CSMD3: variants seen among roughly 807,000 people sequenced by gnomAD.
CSMD3 encodes CUB and sushi domain-containing protein 3.
A neutral mutation model predicts 435.2 loss-of-function variants in CSMD3; 177 were observed. The ratio of observed to expected loss-of-function variants is 0.41; its 90% confidence interval spans 0.36 to 0.46. CSMD3 has a LOEUF of 0.46. Ranked by LOEUF, CSMD3 falls within the 20% of genes least tolerant of loss-of-function variation. The probability of loss-of-function intolerance (pLI) is 0.34; values close to 1 mark genes in which losing one functional copy is unlikely to be tolerated. For synonymous variants in CSMD3, 1,656 were observed against 1,520.5 expected (o/e 1.09, Z -2.07); for missense variants, 4,265 against 4,504.6 (o/e 0.95, Z 1.52).
At chr8:112,331,816 T>A (rs1418243359) in intron 45 of CSMD3, among the ~76,000 whole-genome samples, 1 of 152,042 alleles carries the variant, frequency 6.6e-6, no homozygotes, top group Non-Finnish European at 1.5e-5. Flanking sequence ...TCAGCCAGCT[T>A]AAAATAAGTG....
intron 32 of CSMD3, among the ~76,000 whole-genome samples, chr8:112,466,244 G>A (rs778168497): frequency 1.5e-4 from 23 of 151,772 alleles, no homozygotes; most frequent in Non-Finnish European, 3.2e-4. Flanking sequence ...TTCATACTGG[G>A]GAAAATAAAA....
At chr8:112,650,513 C>T (rs1164562949) in intron 18 of CSMD3, among the ~76,000 whole-genome samples, 164 bp from the exon 19 acceptor site, 1 of 152,142 alleles carries the variant, frequency 6.6e-6, no homozygotes, top group Non-Finnish European at 1.5e-5. Flanking sequence ...TTTGTTTTCT[C>T]ATTTCCTACC....
intron 22 of CSMD3, among the ~76,000 whole-genome samples, chr8:112,609,447 A>G (rs1051560120): frequency 1.3e-5 from 2 of 152,078 alleles, no homozygotes; most frequent in African/African-American, 4.8e-5. Flanking sequence ...AGAAATGCAA[A>G]TCAAAACCAC....
intron 3 of CSMD3, among the ~76,000 whole-genome samples, chr8:113,226,090 A>G (rs1350307246): frequency 1.3e-5 from 2 of 151,428 alleles, no homozygotes; most frequent in Non-Finnish European, 3.0e-5. Flanking sequence ...AGTTCTCCCC[A>G]GGCCTGTGAA....
intron 1 of CSMD3, among the ~76,000 whole-genome samples, chr8:113,433,611 C>T (rs767561809): frequency 6.6e-6 from 1 of 152,196 alleles, no homozygotes; most frequent in Non-Finnish European, 1.5e-5. Context: ...GACGCTCTGG[C>T]GTGGGGTGCG....
chr8:113,060,400 G>A (rs952802584), intron 5 of CSMD3, among the ~76,000 whole-genome samples: 2 of 150,744 alleles, frequency 1.3e-5, no homozygotes, highest in African/African-American at 2.4e-5. Flanking sequence ...ATCATTGTTG[G>A]ACATCTGGGT....
chr8:113,423,610 C>A (rs2094620115), intron 1 of CSMD3, among the ~76,000 whole-genome samples: 1 of 151,708 alleles, frequency 6.6e-6, no homozygotes, highest in East Asian at 1.9e-4. Context: ...TTTGTTATGT[C>A]AAATACATAA....
At chr8:112,934,563 T>C (rs943057407) in intron 9 of CSMD3, among the ~76,000 whole-genome samples, 1 of 152,158 alleles carries the variant, frequency 6.6e-6, no homozygotes, top group Middle Eastern at 3.2e-3. Context: ...GCAAATATCA[T>C]ACCATTTTGC....
chr8:112,268,724 A>G (rs1257379325), intron 59 of CSMD3, among the ~76,000 whole-genome samples: 1 of 152,210 alleles, frequency 6.6e-6, no homozygotes, highest in African/African-American at 2.4e-5. Flanking sequence ...GCATCATTAC[A>G]TATGTATGTG....
chr8:112,444,816 CAT>C (rs914655968), intron 32 of CSMD3, among the ~76,000 whole-genome samples: 4 of 152,210 alleles, frequency 2.6e-5, no homozygotes, highest in African/African-American at 9.6e-5. Context: ...ACACACTTGT[CAT>C]AAGTCACTGA....
At chr8:113,356,715 C>T (rs1048698542) in intron 1 of CSMD3, among the ~76,000 whole-genome samples, 2 of 152,140 alleles carry the variant, frequency 1.3e-5, no homozygotes, top group South Asian at 2.1e-4. Context: ...TTTATTCTAT[C>T]AAATATATGG....
intron 13 of CSMD3, among the ~76,000 whole-genome samples, chr8:112,786,901 G>A (rs1039142949): frequency 2.0e-5 from 3 of 151,924 alleles, no homozygotes; most frequent in South Asian, 2.1e-4. Context: ...CTCACCTCCC[G>A]ACAGGCCCTG....
intron 38 of CSMD3, among the ~76,000 whole-genome samples, chr8:112,357,542 G>A (rs556351161): frequency 6.6e-6 from 1 of 152,296 alleles, no homozygotes; most frequent in South Asian, 2.1e-4. Context: ...ATGTTTCCAG[G>A]GCATGTCAGA....
intron 4 of CSMD3, among the ~76,000 whole-genome samples, chr8:113,150,894 T>C (rs2091790189): frequency 6.6e-6 from 1 of 151,970 alleles, no homozygotes; most frequent in Admixed American, 6.6e-5. Flanking sequence ...TGACATTAGC[T>C]TCTTGGATGA....
At chr8:113,215,801 C>T (rs1006935884) in intron 3 of CSMD3, among the ~76,000 whole-genome samples, 5 of 151,612 alleles carry the variant, frequency 3.3e-5, no homozygotes, top group Non-Finnish European at 7.4e-5. Context: ...TTCAAATGTT[C>T]TCATTCATCT....
intron 50 of CSMD3, among the ~76,000 whole-genome samples, chr8:112,309,567 A>G (rs1225178352): frequency 1.3e-5 from 2 of 152,034 alleles, no homozygotes; most frequent in African/African-American, 2.4e-5. Context: ...CCTGCTATTC[A>G]TTGGTCGAAG....
intron 32 of CSMD3, among the ~76,000 whole-genome samples, chr8:112,430,613 A>G (rs1374606744): frequency 1.3e-5 from 2 of 152,048 alleles, no homozygotes; most frequent in Non-Finnish European, 2.9e-5. Context: ...AATTCATAAA[A>G]GAACACTTAT....
At chr8:112,903,151 C>CAAAAAAAAAAAAAAAAA (rs763330055) in intron 10 of CSMD3, among the ~76,000 whole-genome samples, 4 of 53,780 alleles carry the variant, frequency 7.4e-5, no homozygotes, top group African/African-American at 7.1e-5. Flanking sequence ...GCAGTCTTGG[C>CAAAAAAAAAAAAAAAAA]AAAAAAAAAA....
At chr8:112,729,258 G>A (rs1038714586) in intron 13 of CSMD3, among the ~76,000 whole-genome samples, 1 of 152,002 alleles carries the variant, frequency 6.6e-6, no homozygotes, top group Non-Finnish European at 1.5e-5. Context: ...GCAGGGGTGA[G>A]GGAGGAGGGG....
Sources: gnomAD v4.1 joint callset for allele counts (sites outside exome capture counted in the v4.1 genomes callset) on GRCh38, gnomAD v4.1.1 for gene constraint, MANE v1.5 for transcripts, NCBI Gene and HGNC (gene_info 2026-07-23, HGNC 2026-07-21) for gene names.